TCF7L1: variants seen among roughly 807,000 people sequenced by gnomAD.
TCF7L1 encodes the protein transcription factor 7 like 1, also known as transcription factor 7-like 1.
Under a neutral mutation model 63.7 loss-of-function variants are expected in TCF7L1, and 18 were observed. The ratio of observed to expected loss-of-function variants is 0.28; its 90% confidence interval spans 0.20 to 0.42. TCF7L1 has a LOEUF of 0.42. Ranked by LOEUF, TCF7L1 falls within the 10% of genes least tolerant of loss-of-function variation. The probability of loss-of-function intolerance (pLI) is 1.00; values close to 1 mark genes in which losing one functional copy is unlikely to be tolerated. For synonymous variants in TCF7L1, 355 were observed against 340.9 expected (o/e 1.04, Z -0.46); for missense variants, 654 against 779.3 (o/e 0.84, Z 1.91).
At chr2:85,223,688 C>A (rs956322940) in intron 3 of TCF7L1, among the ~76,000 whole-genome samples, 10 of 152,176 alleles carry the variant, frequency 6.6e-5, no homozygotes, top group African/African-American at 2.2e-4. Context: ...GTGATTTAAC[C>A]CCGCAAGGCA....
intron 3 of TCF7L1, among the ~76,000 whole-genome samples, chr2:85,196,537 A>ATTT (rs111548214): frequency 1.0e-4 from 15 of 143,042 alleles, no homozygotes; most frequent in African/African-American, 2.8e-4. Context: ...CATCAGGACT[A>ATTT]TTTTTTTTTT....
At position 85,306,565 on chromosome 2, in the gene TCF7L1, T is replaced by C. The variant is rs770467185; in HGVS notation, c.1257+6T>C. On this transcript the variant is annotated splice_donor_region_variant and intron_variant, in intron 10 of 11. Coordinates refer to ENST00000282111, the MANE Select transcript of TCF7L1 (RefSeq NM_031283.3). This position sits in a 1 kb window ranked among gnomAD's most constrained non-coding sequence, Gnocchi z 4.3. Reference sequence around the variant, plus strand: ...GGTCAGCCCGGGACAACTATGTAAGTGCACACTCTGGGCAGAGGACGCTCA... The same window carrying C: ...GGTCAGCCCGGGACAACTATGTAAGCGCACACTCTGGGCAGAGGACGCTCA... The C allele has an allele frequency of 1.2e-6, 2 of 1,613,802 alleles. No homozygotes were observed. Among genetic ancestry groups the C allele is most frequent in the South Asian group, 2.2e-5 (2 of 91,056 alleles).
At chr2:85,182,177 G>A (rs76050564) in intron 3 of TCF7L1, among the ~76,000 whole-genome samples, 6,831 of 152,228 alleles carry the variant, frequency 0.045, 168 homozygotes, top group Middle Eastern at 0.085. Flanking sequence ...GAGCTTGTTC[G>A]TCAGATGGGA....
intron 3 of TCF7L1, among the ~76,000 whole-genome samples, chr2:85,147,529 C>T (rs1677909542): frequency 6.6e-6 from 1 of 151,766 alleles, no homozygotes; most frequent in African/African-American, 2.4e-5. Flanking sequence ...CTCTTGGGGT[C>T]CAAGGGGATT....
chr2:85,231,173 G>A (rs1680068041), intron 3 of TCF7L1, among the ~76,000 whole-genome samples: 1 of 152,160 alleles, frequency 6.6e-6, no homozygotes, highest in Non-Finnish European at 1.5e-5. Context: ...CTGTTGAGGT[G>A]GGTCTGTTAG....
chr2:85,187,986 T>C (rs1158725483), intron 3 of TCF7L1, among the ~76,000 whole-genome samples: 4 of 152,154 alleles, frequency 2.6e-5, no homozygotes, highest in Non-Finnish European at 5.9e-5. Flanking sequence ...TGCAACAATA[T>C]AGGCGAGCCT....
chr2:85,250,960 A>T (rs896281452), intron 3 of TCF7L1, among the ~76,000 whole-genome samples: 5 of 152,220 alleles, frequency 3.3e-5, no homozygotes, highest in Non-Finnish European at 7.3e-5. Context: ...GTTCAGACTG[A>T]GCAGCAAAAA....
chr2:85,168,087 T>C (rs1278438631), intron 3 of TCF7L1, among the ~76,000 whole-genome samples: 1 of 152,060 alleles, frequency 6.6e-6, no homozygotes, highest in Non-Finnish European at 1.5e-5. Flanking sequence ...AGATATGAGA[T>C]GAGTAAGCTC....
intron 3 of TCF7L1, among the ~76,000 whole-genome samples, chr2:85,157,425 C>T (rs926679203): frequency 6.6e-6 from 1 of 152,184 alleles, no homozygotes; most frequent in Non-Finnish European, 1.5e-5. Context: ...ATCCTTTACT[C>T]AAGAGGAAAT....
chr2:85,222,340 CA>C (rs1273144437), intron 3 of TCF7L1, among the ~76,000 whole-genome samples: 153 of 95,950 alleles, frequency 1.6e-3, no homozygotes, highest in Non-Finnish European at 2.5e-3. Context: ...GACTCCATCT[CA>C]AAAAAAAAAA....
intron 4 of TCF7L1, among the ~76,000 whole-genome samples, chr2:85,298,206 A>AAAAAAAAAAAAAAAAT (rs1558660087): frequency 1.4e-5 from 2 of 147,252 alleles, no homozygotes; most frequent in African/African-American, 5.0e-5. Flanking sequence ...AAAAAAAAAA[A>AAAAAAAAAAAAAAAAT]GTGCAGGCCG....
At chr2:85,174,704 C>T (rs1205396284) in intron 3 of TCF7L1, among the ~76,000 whole-genome samples, 1 of 152,198 alleles carries the variant, frequency 6.6e-6, no homozygotes, top group Non-Finnish European at 1.5e-5. Flanking sequence ...GATAGCATCC[C>T]CCTGACTCCG....
At chr2:85,205,452 A>G (rs1050418701) in intron 3 of TCF7L1, among the ~76,000 whole-genome samples, 6 of 151,930 alleles carry the variant, frequency 3.9e-5, no homozygotes, top group African/African-American at 1.5e-4. Context: ...TCATGTGCAG[A>G]TAGATTGTTG....
chr2:85,201,781 C>G (rs1354950257), intron 3 of TCF7L1, among the ~76,000 whole-genome samples: 3 of 152,052 alleles, frequency 2.0e-5, no homozygotes, highest in African/African-American at 7.2e-5. Flanking sequence ...ATTTTCTGTC[C>G]TTTTGACTAT....
chr2:85,246,547 GT>G (rs888340408), intron 3 of TCF7L1, among the ~76,000 whole-genome samples: 2 of 152,230 alleles, frequency 1.3e-5, no homozygotes, highest in African/African-American at 2.4e-5. Context: ...TAGACAGTGA[GT>G]TGAGGCTTAT....
rs537362160 is a variant in TCF7L1, at chr2:85,229,581, C to T, written c.442-53914C>T. 9.9e-5 allele frequency among the ~76,000 whole-genome samples: 15 copies of T among 152,274 alleles called. No individual in the cohort carries two copies. The East Asian group carries it at 1.5e-3, about 16-fold the overall frequency. ...AGCACATTCAGAGGGGTCATCACCT[C>T]GTCTGTCTTGAGCTACTAGAGAGAG... On this transcript the variant is annotated intron_variant, in intron 3 of 11. Coordinates refer to ENST00000282111, the MANE Select transcript of TCF7L1 (RefSeq NM_031283.3).
chr2:85,277,566 G>A (rs548066036), intron 3 of TCF7L1, among the ~76,000 whole-genome samples: 2 of 152,134 alleles, frequency 1.3e-5, no homozygotes, highest in South Asian at 2.1e-4. Flanking sequence ...AGGAAGGACC[G>A]GTCACCAAAA....
At chr2:85,170,832 C>T (rs535364809) in intron 3 of TCF7L1, among the ~76,000 whole-genome samples, 62 of 152,284 alleles carry the variant, frequency 4.1e-4, no homozygotes, top group African/African-American at 1.5e-3. Flanking sequence ...ACTGGAACCA[C>T]AACAGAAAGA....
intron 3 of TCF7L1, among the ~76,000 whole-genome samples, chr2:85,162,374 G>C (rs1678308289): frequency 1.3e-5 from 2 of 152,156 alleles, no homozygotes; most frequent in African/African-American, 4.8e-5. Context: ...AGGTAGGGTG[G>C]CCACAGTGGG....
Sources: allele counts gnomAD v4.1 joint callset (sites outside exome capture counted in the v4.1 genomes callset), GRCh38; gene constraint gnomAD v4.1.1; non-coding constraint Gnocchi (gnomAD v3.1); transcripts MANE v1.5; gene names NCBI Gene and HGNC (gene_info 2026-07-23, HGNC 2026-07-21).